The following TDRD3 variants were observed in gnomAD, a reference collection of about 807,000 sequenced individuals.
TDRD3 encodes the protein tudor domain containing 3, also known as tudor domain-containing protein 3.
A neutral mutation model predicts 86.7 loss-of-function variants in TDRD3; 45 were observed. The observed-to-expected ratio is 0.52, with a 90% confidence interval of 0.41 to 0.67. The LOEUF (loss-of-function observed/expected upper bound fraction) is 0.67. Ranked by LOEUF, TDRD3 falls within the 30% of genes least tolerant of loss-of-function variation. The probability of loss-of-function intolerance (pLI) is 0.00; values close to 1 mark genes in which losing one functional copy is unlikely to be tolerated. For missense variants in TDRD3, 814 were observed against 889.0 expected (o/e 0.92, Z 1.07); for synonymous variants, 298 against 301.7 (o/e 0.99, Z 0.13).
At chr13:60,531,552 G>C (rs1050329789) in intron 11 of TDRD3, among the ~76,000 whole-genome samples, 1 of 152,114 alleles carries the variant, frequency 6.6e-6, no homozygotes, top group Non-Finnish European at 1.5e-5. Context: ...GTAAGAGATT[G>C]GAATTCACGT....
At chr13:60,544,443 T>TAAAAAAAAA (rs34582725) in intron 12 of TDRD3, among the ~76,000 whole-genome samples, 1 of 130,456 alleles carries the variant, frequency 7.7e-6, no homozygotes. Flanking sequence ...CATATCTCTT[T>TAAAAAAAAA]AAAAAAAAAA....
At position 60,552,659 on chromosome 13, in the gene TDRD3, G is replaced by T. The variant is rs773793408; in HGVS notation, c.2119-14866G>T. Among the ~76,000 whole-genome samples, 87 of 152,348 alleles carry T rather than the reference G, an allele frequency of 5.7e-4. 1 individual carries two copies. Among genetic ancestry groups the T allele is most frequent in the Non-Finnish European group, 1.1e-3 (73 of 68,030 alleles). ...TCCCCTCTGAATTGCCCTAGTAGAG[G>T]TTCTCCATGAGGGCTCTGTCCCTGC... On this transcript the variant is annotated intron_variant, in intron 12 of 13. Coordinates refer to ENST00000377881, the MANE Select transcript of TDRD3 (RefSeq NM_001146070.2).
intron 3 of TDRD3, among the ~76,000 whole-genome samples, chr13:60,451,300 G>A (rs571863884): frequency 4.6e-5 from 7 of 152,320 alleles, no homozygotes; most frequent in East Asian, 1.9e-4. Context: ...AATCCTGTCA[G>A]TAATAGTTGA....
At chr13:60,402,691 CTTTTTTTTTTTTTT>C in intron 1 of TDRD3, among the ~76,000 whole-genome samples, 1 of 73,296 alleles carries the variant, frequency 1.4e-5, no homozygotes, top group Non-Finnish European at 2.5e-5. Flanking sequence ...AAACCAATTG[CTTTTTTTTTTTTTT>C]TTTTTTTTTG....
chr13:60,571,245 A>C (rs542253745), intron 13 of TDRD3, among the ~76,000 whole-genome samples: 7 of 152,218 alleles, frequency 4.6e-5, no homozygotes, highest in Non-Finnish European at 7.3e-5. Flanking sequence ...AAAGACTATG[A>C]AGTAGAATGA....
chr13:60,443,973 C>T (rs1339371808), intron 2 of TDRD3, among the ~76,000 whole-genome samples: 1 of 151,878 alleles, frequency 6.6e-6, no homozygotes, highest in African/African-American at 2.4e-5. Flanking sequence ...AGGACACAGT[C>T]GTAAAATATT....
intron 11 of TDRD3, among the ~76,000 whole-genome samples, chr13:60,531,673 C>G (rs1957585206): frequency 6.6e-6 from 1 of 152,122 alleles, no homozygotes; most frequent in African/African-American, 2.4e-5. Flanking sequence ...CTTACAGAGT[C>G]AAAAGCAACT....
chr13:60,397,543 G>A, intron 1 of TDRD3, 138 bp downstream of exon 1: 1 of 594,212 alleles, frequency 1.7e-6, no homozygotes, highest in East Asian at 3.8e-5. Context: ...GGGCCCTTCG[G>A]GCCGGCTCCG....
chr13:60,538,611 G>C (rs1957746780), intron 12 of TDRD3, among the ~76,000 whole-genome samples: 2 of 151,998 alleles, frequency 1.3e-5, no homozygotes, highest in Admixed American at 1.3e-4. Context: ...ATTATATATG[G>C]AAAACAACAG....
At position 60,555,848 on chromosome 13, in the gene TDRD3, C is replaced by CTTTTTTTTT. The variant is rs770710929; in HGVS notation, c.2119-11674_2119-11673insTTTTTTTTT. Among the ~76,000 whole-genome samples the CTTTTTTTTT allele has an allele frequency of 1.0e-4, 14 of 136,134 alleles. 1 individual carries two copies. Among genetic ancestry groups the CTTTTTTTTT allele is most frequent in the African/African-American group, 1.7e-4 (6 of 36,270 alleles). 89.3% of individuals were successfully genotyped at this position (136,134 alleles called of 152,430 possible). On this transcript the variant is annotated intron_variant, in intron 12 of 13. Coordinates refer to ENST00000377881, the MANE Select transcript of TDRD3 (RefSeq NM_001146070.2). ...GGTAGGAAAAAAAACCAACCTATTT[C>CTTTTTTTTT]TTTCTTTTTTTTTTTTTTTTGAGAT...
chr13:60,507,712 C>G lies in TDRD3; in HGVS notation c.859-2051C>G, dbSNP rs145129657. On this transcript the variant is annotated intron_variant, in intron 8 of 13. Coordinates refer to ENST00000377881, the MANE Select transcript of TDRD3 (RefSeq NM_001146070.2). Reference sequence around the variant, plus strand: ...CAATTTGTAGAGGGAAAGACTGGCACAAGACAAGGATGCCCTCTCTCACCA... The same window carrying G: ...CAATTTGTAGAGGGAAAGACTGGCAGAAGACAAGGATGCCCTCTCTCACCA... Among the ~76,000 whole-genome samples, 570 of 152,286 alleles carry G rather than the reference C, an allele frequency of 3.7e-3. 16 individuals are homozygous for G. The East Asian group carries it at 0.085, about 23-fold the overall frequency.
intron 5 of TDRD3, among the ~76,000 whole-genome samples, chr13:60,469,796 C>T (rs1233817166): frequency 6.6e-6 from 1 of 152,086 alleles, no homozygotes; most frequent in African/African-American, 2.4e-5. Context: ...AAGTTGGTGC[C>T]AGATGTAATT....
chr13:60,449,379 C>T (rs1035056586), intron 3 of TDRD3, among the ~76,000 whole-genome samples: 2 of 152,084 alleles, frequency 1.3e-5, no homozygotes, highest in Admixed American at 1.3e-4. Context: ...AATAGGACTT[C>T]TGTGGAGTTT....
chr13:60,558,680 C>T (rs7994166), intron 12 of TDRD3, among the ~76,000 whole-genome samples: 62,554 of 151,800 alleles, frequency 0.41, 13,479 homozygotes, highest in South Asian at 0.54. Flanking sequence ...GACTTTATAG[C>T]GTGTCTGTAA....
At chr13:60,530,143 T>C (rs1957546176) in intron 11 of TDRD3, among the ~76,000 whole-genome samples, 1 of 152,218 alleles carries the variant, frequency 6.6e-6, no homozygotes, top group South Asian at 2.1e-4. Flanking sequence ...TAAATATTTT[T>C]TGTTTTGGTT....
At chr13:60,415,924 A>T (rs1484257946) in intron 1 of TDRD3, among the ~76,000 whole-genome samples, 2 of 152,176 alleles carry the variant, frequency 1.3e-5, no homozygotes, top group African/African-American at 4.8e-5. Flanking sequence ...TCTTAAGGAA[A>T]AGTGAAGAAA....
intron 11 of TDRD3, among the ~76,000 whole-genome samples, chr13:60,532,650 A>G (rs1196650698): frequency 6.6e-6 from 1 of 152,222 alleles, no homozygotes; most frequent in Non-Finnish European, 1.5e-5. Context: ...TCCTCACAAT[A>G]TCTTGCCTTC....
intron 1 of TDRD3, among the ~76,000 whole-genome samples, chr13:60,428,000 G>C (rs1276146365): frequency 6.6e-6 from 1 of 152,038 alleles, no homozygotes; most frequent in East Asian, 1.9e-4. Context: ...TGTCTTTGGA[G>C]CTGTTCTCCC....
At chr13:60,462,901 T>G (rs1425251413) in intron 4 of TDRD3, among the ~76,000 whole-genome samples, 3 of 152,126 alleles carry the variant, frequency 2.0e-5, no homozygotes, top group Non-Finnish European at 4.4e-5. Context: ...AACAGCATGG[T>G]ACTGGCATAA....
Sources: gnomAD v4.1 joint callset for allele counts (sites outside exome capture counted in the v4.1 genomes callset) on GRCh38, gnomAD v4.1.1 for gene constraint, MANE v1.5 for transcripts, NCBI Gene and HGNC (gene_info 2026-07-23, HGNC 2026-07-21) for gene names.